SEC24A: variants seen among roughly 807,000 people sequenced by gnomAD.
The protein encoded by SEC24A is SEC24 homolog A, COPII component.
In SEC24A, 93 loss-of-function variants were observed where a neutral mutation model predicts 129.4. That is an observed-to-expected ratio of 0.72 (90% confidence interval 0.61 to 0.85). The LOEUF is 0.85. Ranked by LOEUF, SEC24A falls within the 40% of genes least tolerant of loss-of-function variation. The pLI is 0.00. For missense variants in SEC24A, 1,264 were observed against 1,307.4 expected, an observed-to-expected ratio of 0.97 and a Z score of 0.51; for synonymous variants, 460 against 467.3, an observed-to-expected ratio of 0.98 and a Z score of 0.20.
intron 4 of SEC24A, among the ~76,000 whole-genome samples, 171 bp downstream of exon 4, chr5:134,672,057 G>C (rs1454516874): frequency 6.6e-6 from 1 of 152,120 alleles, no homozygotes; most frequent in African/African-American, 2.4e-5. Flanking sequence ...TCACTCTGTC[G>C]CTCAGGCTGG....
chr5:134,704,877 A>G (rs1041077448), intron 16 of SEC24A, among the ~76,000 whole-genome samples: 1 of 150,226 alleles, frequency 6.7e-6, no homozygotes, highest in Non-Finnish European at 1.5e-5. Context: ...GGGTCTTACT[A>G]TGTTGTTCAG....
chr5:134,721,916 G>C (rs1752638645), intron 21 of SEC24A, among the ~76,000 whole-genome samples: 1 of 152,122 alleles, frequency 6.6e-6, no homozygotes, highest in Non-Finnish European at 1.5e-5. Context: ...ATTATAGCTA[G>C]GATAAGCACT....
chr5:134,711,574 T>C (rs1227561109), intron 18 of SEC24A, among the ~76,000 whole-genome samples: 1 of 151,582 alleles, frequency 6.6e-6, no homozygotes, highest in East Asian at 1.9e-4. Context: ...TTTTTTTTTT[T>C]TTTTTTTTTT....
intron 2 of SEC24A, among the ~76,000 whole-genome samples, chr5:134,664,249 TC>T (rs1186069773): frequency 6.6e-6 from 1 of 152,206 alleles, no homozygotes; most frequent in African/African-American, 2.4e-5. Flanking sequence ...TTTTCTTTTT[TC>T]CAACTCATAA....
At chr5:134,699,292 C>T (rs970933246) in intron 15 of SEC24A, among the ~76,000 whole-genome samples, 3 of 146,880 alleles carry the variant, frequency 2.0e-5, no homozygotes, top group African/African-American at 7.8e-5. Flanking sequence ...TAAGCTTTAC[C>T]ATTTTATCCT....
At chr5:134,656,132 G>C (rs1750235374) in intron 1 of SEC24A, among the ~76,000 whole-genome samples, 1 of 150,216 alleles carries the variant, frequency 6.7e-6, no homozygotes, top group Non-Finnish European at 1.5e-5. Flanking sequence ...GCCCAGGCTG[G>C]AGTGAGGTGG....
At chr5:134,700,262 C>T (rs1450813349) in intron 15 of SEC24A, among the ~76,000 whole-genome samples, 1 of 151,724 alleles carries the variant, frequency 6.6e-6, no homozygotes, top group Non-Finnish European at 1.5e-5. Flanking sequence ...GCTCTGTCCC[C>T]CTGGCTGGAG....
chr5:134,659,966 A>G (rs1215046281), intron 1 of SEC24A, among the ~76,000 whole-genome samples: 1 of 151,838 alleles, frequency 6.6e-6, no homozygotes, highest in African/African-American at 2.4e-5. Flanking sequence ...TTTCATCTTT[A>G]TTGGCCTGTC....
At position 134,725,325 on chromosome 5, in the gene SEC24A, T is replaced by C; in HGVS notation, c.*231T>C. ...CAGAATATAGCTACGTATGATTGGA[T>C]ACTTTTTTCTTGCCAATTATGTTTG... On this transcript the variant is annotated 3_prime_UTR_variant, in exon 23 of 23. Coordinates refer to ENST00000398844, the MANE Select transcript of SEC24A (RefSeq NM_021982.3). The C allele has an allele frequency of 3.0e-6, 1 of 332,322 alleles. No individual in the cohort carries two copies. Among genetic ancestry groups the C allele is most frequent in the Non-Finnish European group, 5.4e-6 (1 of 184,948 alleles). 20.6% of individuals were successfully genotyped at this position (332,322 alleles called of 1,614,324 possible). A position where few individuals can be genotyped will look rare whatever the true frequency, so the allele number is the denominator to read the frequency against.
At chr5:134,681,711 G>A (rs188918858) in intron 8 of SEC24A, among the ~76,000 whole-genome samples, 1 of 152,190 alleles carries the variant, frequency 6.6e-6, no homozygotes, top group East Asian at 1.9e-4. Context: ...TAAACAATTA[G>A]TAGGAAGACA....
In SEC24A at chr5:134,727,439, A is replaced by T. The variant is rs1752780981; in HGVS notation, c.*2345A>T. The T allele has an allele frequency of 6.6e-6, 1 of 152,578 alleles. No homozygotes were observed. Among genetic ancestry groups the T allele is most frequent in the Non-Finnish European group, 1.5e-5 (1 of 68,008 alleles). 9.5% of individuals were successfully genotyped at this position (152,578 alleles called of 1,614,324 possible). A position where few individuals can be genotyped will look rare whatever the true frequency, so the allele number is the denominator to read the frequency against. On this transcript the variant is annotated 3_prime_UTR_variant, in exon 23 of 23. Transcript: ENST00000398844. ...AAGTCTGACATACTAATAGTCACTC[A>T]AGCAGTACCATTTATTTTAGTTTGC...
At chr5:134,653,878 C>T (rs1214081284) in intron 1 of SEC24A, among the ~76,000 whole-genome samples, 4 of 151,828 alleles carry the variant, frequency 2.6e-5, no homozygotes, top group Non-Finnish European at 5.9e-5. Context: ...AATAAATAGG[C>T]CGGGTGCAGT....
chr5:134,705,569 C>G, intron 17 of SEC24A, 132 bp downstream of exon 17: 1 of 542,442 alleles, frequency 1.8e-6, no homozygotes. Context: ...TGCTAAGTAA[C>G]TATTTGAAAA....
chr5:134,671,206 G>A (rs1027901398), intron 3 of SEC24A, among the ~76,000 whole-genome samples: 2 of 151,546 alleles, frequency 1.3e-5, no homozygotes, highest in Non-Finnish European at 2.9e-5. Flanking sequence ...TTACAGGCAC[G>A]CGCCACCACA....
rs541407713 is a variant in SEC24A, at chr5:134,661,284, GACC to G, written c.267_269del (p.Pro90del). The stretch of plus-strand genomic sequence containing the variant: ...CAGGGATCTGGGCAGACTCTTAATA[GACC>G]ACCTGTGGCCTCTAATCCAGTGACA... On this transcript the variant is annotated inframe_deletion, in exon 2 of 23. Coordinates refer to ENST00000398844, the MANE Select transcript of SEC24A (RefSeq NM_021982.3). 4.3e-5 allele frequency: 69 copies of G among 1,614,100 alleles called. 1 individual carries two copies. In the South Asian group the frequency reaches 6.5e-4, roughly 15 times the overall value.
chr5:134,669,004 G>A lies in SEC24A; in HGVS notation c.739+2008G>A, dbSNP rs182562195. Reference sequence around the variant, plus strand: ...GGAGAATCTCTTGAACCCGAGAGGTGGAGGTTGCAGTGAGCCGAGATCACA... The same window carrying A: ...GGAGAATCTCTTGAACCCGAGAGGTAGAGGTTGCAGTGAGCCGAGATCACA... On this transcript the variant is annotated intron_variant, in intron 3 of 22. Coordinates refer to ENST00000398844, the MANE Select transcript of SEC24A (RefSeq NM_021982.3). Among the ~76,000 whole-genome samples the A allele has an allele frequency of 3.3e-3, 501 of 149,824 alleles. 4 individuals carry two copies. Among genetic ancestry groups the A allele is most frequent in the African/African-American group, 0.012 (480 of 40,840 alleles).
chr5:134,707,158 A>G (rs143813914), intron 17 of SEC24A, among the ~76,000 whole-genome samples: 15 of 152,240 alleles, frequency 9.9e-5, no homozygotes, highest in Non-Finnish European at 2.2e-4. Context: ...ATTTGCTTCA[A>G]ACTTAATTCT....
At chr5:134,690,235 G>A (rs953550432) in intron 11 of SEC24A, among the ~76,000 whole-genome samples, 1 of 152,162 alleles carries the variant, frequency 6.6e-6, no homozygotes, top group South Asian at 2.1e-4. Flanking sequence ...AGCCAGGCTG[G>A]TCTTGAACTC....
At chr5:134,664,349 A>AT (rs138496900) in intron 2 of SEC24A, among the ~76,000 whole-genome samples, 1 of 151,910 alleles carries the variant, frequency 6.6e-6, no homozygotes, top group Non-Finnish European at 1.5e-5. Flanking sequence ...ATTTTCCTGA[A>AT]TTTTTTTAAT....
Sources: gnomAD v4.1 joint callset for allele counts (sites outside exome capture counted in the v4.1 genomes callset) on GRCh38, gnomAD v4.1.1 for gene constraint, MANE v1.5 for transcripts, NCBI Gene and HGNC (gene_info 2026-07-23, HGNC 2026-07-21) for gene names.